TANC1: variants seen among roughly 807,000 people sequenced by gnomAD.
TANC1 encodes tetratricopeptide repeat, ankyrin repeat and coiled-coil containing 1.
In TANC1, 77 loss-of-function variants were observed where a neutral mutation model predicts 149.7. The observed-to-expected ratio is 0.51, with a 90% CI of 0.43 to 0.62. The LOEUF is 0.62. Among genes scored for constraint, TANC1 ranks in the 20% least tolerant of loss-of-function variants. TANC1 has a pLI of 0.00. For missense variants in TANC1, 1,985 were observed against 2,321.8 expected (o/e 0.85, Z 2.98); for synonymous variants, 854 against 925.0 (o/e 0.92, Z 1.39).
intron 4 of TANC1, among the ~76,000 whole-genome samples, chr2:159,099,524 CA>C (rs1410256522): frequency 1.3e-5 from 2 of 151,006 alleles, no homozygotes; most frequent in Non-Finnish European, 3.0e-5. Context: ...CAAAACAAAA[CA>C]AAAAAACTTT....
chr2:159,159,316 G>A (rs892577367), intron 7 of TANC1, among the ~76,000 whole-genome samples: 3 of 151,816 alleles, frequency 2.0e-5, no homozygotes, highest in Non-Finnish European at 4.4e-5. Context: ...TGTGGTACCT[G>A]TAGTCCCAGC....
At position 159,194,274 on chromosome 2, in the gene TANC1, T is replaced by G; in HGVS notation, c.2760T>G (p.Ile920Met). 6.2e-7 allele frequency: 1 copy of G among 1,613,690 alleles called. No homozygotes were observed. The highest frequency in any genetic ancestry group is 1.1e-5 in the South Asian group (1 of 91,084). The change falls in exon 17 of 27, where the codon ATT becomes ATG. Residue 920 changes from isoleucine (I) to methionine (M), a missense_variant. Coordinates refer to ENST00000263635, the MANE Select transcript of TANC1 (RefSeq NM_033394.3). ...TPNVKVSRLLILGGANVNYRT... is the reference protein window; with the variant it reads ...TPNVKVSRLLMLGGANVNYRT... ...TCCAACAGGTGAGCCGTCTCCTGATTTTGGGAGGGGCCAACGTGAACTACA... is the reference window on the plus strand; with the variant it reads ...TCCAACAGGTGAGCCGTCTCCTGATGTTGGGAGGGGCCAACGTGAACTACA...
intron 2 of TANC1, among the ~76,000 whole-genome samples, chr2:159,030,650 C>T (rs998187617): frequency 1.4e-3 from 214 of 152,306 alleles, no homozygotes; most frequent in African/African-American, 5.0e-3. Context: ...TCAGCATACT[C>T]AAAGCCAACA....
At chr2:159,195,226 T>C (rs1478166551) in intron 17 of TANC1, among the ~76,000 whole-genome samples, 1 of 152,244 alleles carries the variant, frequency 6.6e-6, no homozygotes, top group Non-Finnish European at 1.5e-5. Context: ...GTTTAAGTGA[T>C]TCTCCTGCTT....
At chr2:159,113,746 C>T (rs891023974) in intron 4 of TANC1, among the ~76,000 whole-genome samples, 3 of 152,204 alleles carry the variant, frequency 2.0e-5, no homozygotes, top group African/African-American at 7.2e-5. Context: ...CTTGTAATCC[C>T]GATTACTGGG....
chr2:159,164,109 G>GC (rs1347308495), intron 8 of TANC1, among the ~76,000 whole-genome samples: 1 of 152,046 alleles, frequency 6.6e-6, no homozygotes, highest in Non-Finnish European at 1.5e-5. Flanking sequence ...ATATGCAGCA[G>GC]CTGGAACAAA....
chr2:159,055,176 G>A (rs138592910), intron 2 of TANC1, among the ~76,000 whole-genome samples: 5 of 152,298 alleles, frequency 3.3e-5, no homozygotes, highest in East Asian at 1.9e-4. Flanking sequence ...TTGGGTTTCC[G>A]GTTGCCCTAA....
At position 159,179,003 on chromosome 2, in the gene TANC1, G is replaced by C. The variant is rs372387758; in HGVS notation, c.2350G>C (p.Gly784Arg). 3 of 1,613,942 alleles carry C rather than the reference G, an allele frequency of 1.9e-6. No individual in the cohort carries two copies. The highest frequency in any genetic ancestry group is 2.5e-6 in the Non-Finnish European group (3 of 1,180,022). ...GGCTATTAATGCTGGCCACATCCAG[G>C]GGGAGCAGGGATGGGAAGACTTTCA... The part of the protein sequence containing the change: ...FQAINAGHIQ[G>R]EQGWEDFQQR... Residue 784 changes from glycine to arginine, a missense_variant, in exon 14 of 27, where the codon GGG becomes CGG. Transcript: ENST00000263635.
intron 2 of TANC1, among the ~76,000 whole-genome samples, chr2:159,034,750 A>G (rs1320386844): frequency 6.6e-6 from 1 of 152,224 alleles, no homozygotes; most frequent in Non-Finnish European, 1.5e-5. Context: ...CTTGCTTTCT[A>G]TTAAATAGCA....
chr2:159,179,269 G>A, intron 14 of TANC1, 106 bp downstream of exon 14: 1 of 1,394,570 alleles, frequency 7.2e-7, no homozygotes, highest in South Asian at 1.4e-5. Context: ...AATCCAGAAT[G>A]ACTAATTCAG....
At chr2:159,036,340 G>A (rs757898354) in intron 2 of TANC1, among the ~76,000 whole-genome samples, 4 of 152,154 alleles carry the variant, frequency 2.6e-5, no homozygotes, top group Non-Finnish European at 4.4e-5. Context: ...GTCGCTGAAC[G>A]TGAGTTGAGG....
At chr2:159,177,292 G>C (rs540475726) in intron 13 of TANC1, among the ~76,000 whole-genome samples, 2 of 151,990 alleles carry the variant, frequency 1.3e-5, no homozygotes, top group Non-Finnish European at 2.9e-5. Flanking sequence ...TGCAGCGAGG[G>C]GTAGGGTGAT....
At chr2:159,025,797 A>C (rs1368881246) in intron 2 of TANC1, among the ~76,000 whole-genome samples, 1 of 152,188 alleles carries the variant, frequency 6.6e-6, no homozygotes, top group Non-Finnish European at 1.5e-5. Flanking sequence ...GCTGTGCCTT[A>C]AAACTTTCTT....
rs575295880 is a variant in TANC1, at chr2:159,219,139, G to A, written c.3379-99G>A. The A allele has an allele frequency of 2.7e-6, 4 of 1,484,402 alleles. No homozygotes were observed. In the South Asian group the frequency reaches 3.5e-5, roughly 13 times the overall value. 92.0% of individuals were successfully genotyped at this position (1,484,402 alleles called of 1,614,324 possible). ...ACAACTTACAGATTTTTGAAAGAAA[G>A]TCATTTGACTATTTTTAAAGGTTGA... On this transcript the variant is annotated intron_variant, in intron 20 of 26. Transcript: ENST00000263635.
At chr2:159,188,662 G>T (rs796210298) in intron 16 of TANC1, among the ~76,000 whole-genome samples, 53 of 152,338 alleles carry the variant, frequency 3.5e-4, no homozygotes, top group African/African-American at 1.3e-3. Context: ...TAGTCAGGAA[G>T]GACACATTTT....
At chr2:159,069,194 G>A (rs1451315706) in intron 3 of TANC1, among the ~76,000 whole-genome samples, 2 of 152,188 alleles carry the variant, frequency 1.3e-5, no homozygotes, top group Non-Finnish European at 2.9e-5. Flanking sequence ...GGCAATAGAG[G>A]CACGGTGGAG....
chr2:159,066,096 A>G (rs985432686), intron 3 of TANC1, 125 bp downstream of exon 3: 1 of 756,106 alleles, frequency 1.3e-6, no homozygotes, highest in Non-Finnish European at 2.4e-6. Context: ...TAGAACAAAC[A>G]GTGTGCTGGA....
chr2:159,158,910 C>T (rs2053713835), intron 7 of TANC1, among the ~76,000 whole-genome samples: 1 of 152,226 alleles, frequency 6.6e-6, no homozygotes, highest in Non-Finnish European at 1.5e-5. Flanking sequence ...GCTCTTTTCA[C>T]CCTTGTCTTC....
At chr2:159,175,508 C>T (rs151287179) in intron 12 of TANC1, among the ~76,000 whole-genome samples, 1 of 152,322 alleles carries the variant, frequency 6.6e-6, no homozygotes, top group East Asian at 1.9e-4. Context: ...ATTTTGCACT[C>T]CTAAGTATCT....
Sources: allele counts gnomAD v4.1 joint callset (sites outside exome capture counted in the v4.1 genomes callset), GRCh38; gene constraint gnomAD v4.1.1; transcripts MANE v1.5; gene names NCBI Gene and HGNC (gene_info 2026-07-23, HGNC 2026-07-21).